The following APBA2 variants were observed in gnomAD, a reference collection of about 807,000 sequenced individuals.
APBA2 encodes amyloid-beta A4 precursor protein-binding family A member 2.
A neutral mutation model predicts 75.0 loss-of-function variants in APBA2; 30 were observed. That is an observed-to-expected ratio of 0.40 (90% CI 0.30 to 0.54). The LOEUF (loss-of-function observed/expected upper bound fraction) is 0.54, where lower values mean the gene tolerates loss of function less well. APBA2 is among the 20% of genes least tolerant of loss of function. The pLI is 0.49. For synonymous variants in APBA2, 444 were observed against 409.6 expected (o/e 1.08, Z -1.01); for missense variants, 801 against 1,016.1 (o/e 0.79, Z 2.88).
chr15:29,107,129 A>G (rs1273193807), intron 12 of APBA2, among the ~76,000 whole-genome samples: 1 of 152,146 alleles, frequency 6.6e-6, no homozygotes. Flanking sequence ...TGACCAGCTT[A>G]TCCTGCTTTG....
At chr15:28,933,888 C>T (rs1310400353) in intron 2 of APBA2, among the ~76,000 whole-genome samples, 1 of 152,066 alleles carries the variant, frequency 6.6e-6, no homozygotes, top group African/African-American at 2.4e-5. Flanking sequence ...CCCACATGGG[C>T]GGAGCAGAGG....
intron 1 of APBA2, among the ~76,000 whole-genome samples, chr15:28,897,181 C>CAACACA (rs764871508): frequency 9.6e-6 from 1 of 104,270 alleles, no homozygotes; most frequent in African/African-American, 4.7e-5. Context: ...GCAAAAGACA[C>CAACACA]GACACACACA....
intron 14 of APBA2, among the ~76,000 whole-genome samples, chr15:29,114,787 G>A (rs1459322569): frequency 1.4e-5 from 1 of 73,430 alleles, no homozygotes; most frequent in African/African-American, 2.6e-5. Flanking sequence ...TGCGTGTGGA[G>A]GAGTGTGTGT....
At chr15:29,116,352 C>A (rs926780560) in intron 14 of APBA2, among the ~76,000 whole-genome samples, 1 of 151,998 alleles carries the variant, frequency 6.6e-6, no homozygotes. Context: ...GTAGGCCGGG[C>A]GCGGTGGCTC....
Position 29,002,796 on chromosome 15 carries a change from G to A in APBA2, c.-41+6990G>A, listed in dbSNP as rs139862698. On this transcript the variant is annotated intron_variant, in intron 3 of 14. Transcript: ENST00000683413. ...ATCAGCCACTGCAGGAAAGGGTGGC[G>A]TCTTGGTGGCCGCATACTGTGAATG... Among the ~76,000 whole-genome samples the A allele has an allele frequency of 7.6e-3, 1,160 of 152,244 alleles. 21 individuals are homozygous for A. The highest frequency in any genetic ancestry group is 0.026 in the African/African-American group (1,083 of 41,544).
rs758054035 is a variant in APBA2 at position 29,074,933 on chromosome 15, C to T, written c.964C>T (p.Leu322=). ...TCCCCGTTTCCAGGTTTGCAATGGT[C>T]TGGAGCAGCCAAGGAAGCAGCAGCG... ...KWPHEQVCNG[L]EQPRKQQRSD... Residue 322 remains leucine (L), a synonymous_variant, in exon 5 of 15, where the codon CTG becomes TTG. Coordinates refer to ENST00000683413, the MANE Select transcript of APBA2 (RefSeq NM_001353788.2). The T allele has an allele frequency of 9.3e-6, 15 of 1,614,142 alleles. No homozygotes were observed. Among genetic ancestry groups the T allele is most frequent in the Non-Finnish European group, 1.3e-5 (15 of 1,179,998 alleles).
chr15:29,079,657 A>C (rs1386974845), intron 6 of APBA2, among the ~76,000 whole-genome samples: 1 of 152,052 alleles, frequency 6.6e-6, no homozygotes, highest in Non-Finnish European at 1.5e-5. Context: ...TCCAGTGCTG[A>C]GGCTGAGTAT....
intron 1 of APBA2, among the ~76,000 whole-genome samples, chr15:28,903,976 C>A (rs930035435): frequency 6.6e-6 from 1 of 152,148 alleles, no homozygotes; most frequent in Non-Finnish European, 1.5e-5. Flanking sequence ...TTAGGTTGAA[C>A]CATATGAAAC....
chr15:29,066,750 G>A (rs1349163977), intron 4 of APBA2, among the ~76,000 whole-genome samples: 1 of 152,012 alleles, frequency 6.6e-6, no homozygotes, highest in Non-Finnish European at 1.5e-5. Flanking sequence ...ATAAAGAAAA[G>A]AAGAGGTTTT....
At chr15:29,103,628 T>C (rs114860430) in intron 10 of APBA2, among the ~76,000 whole-genome samples, 2,954 of 152,242 alleles carry the variant, frequency 0.019, 62 homozygotes, top group African/African-American at 0.049. Flanking sequence ...CTCCCCGGGC[T>C]TGGAGCTTCC....
intron 1 of APBA2, among the ~76,000 whole-genome samples, chr15:28,897,617 C>CAAAAAAAAAAAA (rs370287342): frequency 1.3e-5 from 1 of 78,792 alleles, no homozygotes; most frequent in African/African-American, 5.3e-5. Context: ...GATTCCGTCT[C>CAAAAAAAAAAAA]AAAAAAAAAA....
rs1212274255 is a variant in APBA2, at chr15:29,054,531, A to G, written c.647A>G (p.Asp216Gly). The change falls in exon 4 of 15, where the codon GAT becomes GGT. Residue 216 changes from aspartate to glycine, a missense_variant. Physicochemically the swap from Asp to Gly is moderately conservative, Grantham distance 94. Around this residue, in one of 2 missense-constraint regions of APBA2, gnomAD observed 434 missense variants for 471.6 expected, o/e 0.92. Transcript: ENST00000683413. This position sits in a 1 kb window ranked among gnomAD's most constrained non-coding sequence, Gnocchi z 6.1. ...GASPYRLRRG[D>G]GDLEDQEEDI... Reference sequence around the variant, plus strand: ...TCCCCCTACCGCCTGAGGCGTGGGGATGGGGACCTGGAGGACCAGGAGGAG... The same window carrying G: ...TCCCCCTACCGCCTGAGGCGTGGGGGTGGGGACCTGGAGGACCAGGAGGAG... 6.2e-7 allele frequency: 1 copy of G among 1,613,368 alleles called. No homozygotes were observed.
chr15:29,023,660 T>TG (rs1253383724), intron 3 of APBA2, among the ~76,000 whole-genome samples: 2 of 151,948 alleles, frequency 1.3e-5, no homozygotes, highest in African/African-American at 4.8e-5. Flanking sequence ...TTTGCCATGT[T>TG]GGCCAGGCTG....
At chr15:29,028,641 CTAT>C (rs1179766124) in intron 3 of APBA2, among the ~76,000 whole-genome samples, 1 of 152,170 alleles carries the variant, frequency 6.6e-6, no homozygotes, top group Non-Finnish European at 1.5e-5. Flanking sequence ...ACAAGCATTC[CTAT>C]TTCCCCGAAA....
chr15:28,904,614 C>T (rs540912978), intron 1 of APBA2, among the ~76,000 whole-genome samples: 11 of 152,284 alleles, frequency 7.2e-5, no homozygotes, highest in Admixed American at 3.9e-4. Context: ...TCTTCCCTTC[C>T]ACCCATTTGA....
intron 3 of APBA2, among the ~76,000 whole-genome samples, chr15:29,040,596 C>T (rs984301391): frequency 1.3e-5 from 2 of 152,202 alleles, no homozygotes; most frequent in South Asian, 2.1e-4. Context: ...GTTTTGAAAC[C>T]GCACTGACGT....
At chr15:28,951,395 C>T (rs1322514902) in intron 2 of APBA2, among the ~76,000 whole-genome samples, 1 of 152,108 alleles carries the variant, frequency 6.6e-6, no homozygotes, top group African/African-American at 2.4e-5. Flanking sequence ...CCTACCCAGT[C>T]CTGGACTCAG....
chr15:28,968,353 G>A (rs1226642521), intron 2 of APBA2, among the ~76,000 whole-genome samples: 2 of 152,142 alleles, frequency 1.3e-5, no homozygotes, highest in African/African-American at 2.4e-5. Context: ...TTTAATTTTG[G>A]GGGGAACTGC....
intron 2 of APBA2, among the ~76,000 whole-genome samples, chr15:28,951,168 A>G (rs996613759): frequency 1.3e-5 from 2 of 152,212 alleles, no homozygotes; most frequent in African/African-American, 4.8e-5. Flanking sequence ...TAGCATTTAC[A>G]TTGTACTAGG....
Sources: gnomAD v4.1 joint callset for allele counts (sites outside exome capture counted in the v4.1 genomes callset) on GRCh38, gnomAD v4.1.1 for gene constraint, gnomAD v4.1.1 regional missense constraint, Gnocchi (gnomAD v3.1) non-coding constraint, MANE v1.5 for transcripts, NCBI Gene and HGNC (gene_info 2026-07-23, HGNC 2026-07-21) for gene names.